The following ARRDC2 variants were observed in gnomAD, a reference collection of about 807,000 sequenced individuals.
ARRDC2 encodes arrestin domain-containing protein 2.
A neutral mutation model predicts 38.9 loss-of-function variants in ARRDC2; 39 were observed. The observed-to-expected ratio is 1.00, with a 90% confidence interval of 0.78 to 1.31. The LOEUF (loss-of-function observed/expected upper bound fraction) is 1.31. Among genes scored for constraint, ARRDC2 ranks in the 50% most tolerant of loss-of-function variants. ARRDC2 has a pLI of 0.00. For synonymous variants in ARRDC2, 300 were observed against 261.9 expected (o/e 1.15, Z -1.41); for missense variants, 553 against 588.4 (o/e 0.94, Z 0.62).
upstream of ARRDC2, among the ~76,000 whole-genome samples, chr19:18,003,732 C>G (rs925051065): frequency 1.3e-5 from 2 of 151,948 alleles, no homozygotes; most frequent in South Asian, 4.2e-4. Context: ...CTCTGCCTCC[C>G]GGGTTCACGC....
At chr19:18,005,002 C>A (rs895648474), upstream of ARRDC2, among the ~76,000 whole-genome samples, 2 of 149,986 alleles carry the variant, frequency 1.3e-5, no homozygotes, top group East Asian at 2.0e-4. Context: ...AAAAGAAAAG[C>A]AAATTTAAAA....
At chr19:18,009,303 G>A in intron 3 of ARRDC2, 185 bp downstream of exon 3, 1 of 728,524 alleles carries the variant, frequency 1.4e-6, no homozygotes, top group Non-Finnish European at 2.2e-6. Flanking sequence ...CTCTGGGCAA[G>A]TGTCTTGAAG....
In ARRDC2 at chr19:18,013,207, G is replaced by T. The variant is rs1568469305; in HGVS notation, c.*241G>T. On this transcript the variant is annotated 3_prime_UTR_variant, in exon 8 of 8. Coordinates refer to ENST00000222250, the MANE Select transcript of ARRDC2 (RefSeq NM_015683.2). Reference sequence around the variant, plus strand: ...TGAATGCCCAGTGCAGTATCCGAGAGACTGTTTAATAACCTGTCTTCCCAG... The same window carrying T: ...TGAATGCCCAGTGCAGTATCCGAGATACTGTTTAATAACCTGTCTTCCCAG... The T allele has an allele frequency of 1.9e-6, 1 of 520,262 alleles. No homozygotes were observed. The allele number at this position is 520,262 out of a possible 1,614,324, so 32.2% of individuals were successfully genotyped here.
chr19:18,002,041 A>C (rs1052931185), intron 1 of ARRDC2, among the ~76,000 whole-genome samples: 1 of 152,134 alleles, frequency 6.6e-6, no homozygotes. Context: ...CTTTCAAAGC[A>C]GGGGGACCCT....
At chr19:18,006,511 C>T (rs2033282074), upstream of ARRDC2, among the ~76,000 whole-genome samples, 1 of 152,118 alleles carries the variant, frequency 6.6e-6, no homozygotes, top group Non-Finnish European at 1.5e-5. Context: ...CGCAGGCACT[C>T]GGCAGGCTGA....
chr19:18,009,473 T>G (rs2033358191), intron 3 of ARRDC2, 119 bp from the exon 4 acceptor site: 2 of 918,804 alleles, frequency 2.2e-6, no homozygotes, highest in Non-Finnish European at 1.7e-6. Flanking sequence ...CCTGGATTGT[T>G]AAAAAGAAAC....
chr19:18,008,130 CGCCCTG>C, upstream of ARRDC2: 6 of 1,088,046 alleles, frequency 5.5e-6, no homozygotes, highest in South Asian at 1.7e-5. Context: ...CACCCCCCCC[CGCCCTG>C]CCGTATAAAA....
rs2033446176 is a variant in ARRDC2 at position 18,013,071 on chromosome 19, G to A, written c.*105G>A. The stretch of plus-strand genomic sequence containing the variant: ...GGCTGACCTCCCCGACTGCATCAAA[G>A]TTGGGGAACCAAGTCTCAGAGTGAG... On this transcript the variant is annotated 3_prime_UTR_variant, in exon 8 of 8. Transcript: ENST00000222250. 21 of 1,255,426 alleles carry A rather than the reference G, an allele frequency of 1.7e-5. 1 individual carries two copies. Among genetic ancestry groups the A allele is most frequent in the Middle Eastern group, 2.5e-4 (1 of 3,930 alleles). 77.8% of individuals were successfully genotyped at this position (1,255,426 alleles called of 1,614,324 possible). A position where few individuals can be genotyped will look rare whatever the true frequency, so the allele number is the denominator to read the frequency against.
intron 7 of ARRDC2, among the ~76,000 whole-genome samples, chr19:18,011,233 G>A (rs1454595889): frequency 6.6e-6 from 1 of 152,096 alleles, no homozygotes; most frequent in Non-Finnish European, 1.5e-5. Flanking sequence ...CCTGACCTCA[G>A]GTGATGGCCT....
chr19:18,001,910 C>A (rs1033542102), intron 1 of ARRDC2, among the ~76,000 whole-genome samples: 1 of 152,160 alleles, frequency 6.6e-6, no homozygotes, highest in Non-Finnish European at 1.5e-5. Flanking sequence ...TGCACTCCAG[C>A]CTGGACACCC....
At chr19:18,008,138 C>CCCCCGG, upstream of ARRDC2, 1 of 1,339,274 alleles carries the variant, frequency 7.5e-7, no homozygotes, top group Non-Finnish European at 9.6e-7. Context: ...CCCGCCCTGC[C>CCCCCGG]GTATAAAAGC....
At chr19:18,011,761 A>G (rs2033415897) in intron 7 of ARRDC2, among the ~76,000 whole-genome samples, 1 of 151,642 alleles carries the variant, frequency 6.6e-6, no homozygotes, top group Non-Finnish European at 1.5e-5. Context: ...TGGGAGGCTG[A>G]GGCAGGAGGA....
intron 1 of ARRDC2, among the ~76,000 whole-genome samples, chr19:18,002,944 A>G (rs1311232439): frequency 6.6e-6 from 1 of 151,990 alleles, no homozygotes; most frequent in Non-Finnish European, 1.5e-5. Flanking sequence ...CTCCACTAAA[A>G]ATACAAAAAT....
chr19:18,010,740 G>A lies in ARRDC2; in HGVS notation c.1170+11G>A. 2.5e-6 allele frequency: 4 copies of A among 1,613,042 alleles called. No homozygotes were observed. Among genetic ancestry groups the A allele is most frequent in the Non-Finnish European group, 1.7e-6 (2 of 1,179,556 alleles). ...CCCCTGTACTCTGAGGTGAGCTCAG[G>A]GGTCTGAGAACCACCCATGCCTCTC... On this transcript the variant is annotated intron_variant, in intron 7 of 7. Transcript: ENST00000222250.
At chr19:18,002,738 G>A (rs1477598159) in intron 1 of ARRDC2, among the ~76,000 whole-genome samples, 1 of 152,276 alleles carries the variant, frequency 6.6e-6, no homozygotes, top group East Asian at 1.9e-4. Flanking sequence ...CTTCCCCGGC[G>A]ACTCGGAGAA....
chr19:18,013,395 AGGCTTT>A lies in ARRDC2; in HGVS notation c.*432_*437del, dbSNP rs1301197703. The A allele has an allele frequency of 1.2e-5, 2 of 164,282 alleles. No individual in the cohort carries two copies. Among genetic ancestry groups the A allele is most frequent in the African/African-American group, 4.8e-5 (2 of 41,752 alleles). 10.2% of individuals were successfully genotyped at this position (164,282 alleles called of 1,614,324 possible). ...CCTTGCGGAAAGGGCATTTTAGCTG[AGGCTTT>A]GGAGTACGAATAGGAGCTCAGCAGG... On this transcript the variant is annotated 3_prime_UTR_variant, in exon 8 of 8. Coordinates refer to ENST00000222250, the MANE Select transcript of ARRDC2 (RefSeq NM_015683.2).
At chr19:18,011,948 A>T (rs1172990470) in intron 7 of ARRDC2, among the ~76,000 whole-genome samples, 172 of 55,056 alleles carry the variant, frequency 3.1e-3, no homozygotes, top group African/African-American at 0.011. Context: ...ATATATATAT[A>T]TATATTTTTT....
chr19:18,008,209 C>T lies in ARRDC2; in HGVS notation c.-102C>T, dbSNP rs1599396676. On this transcript the variant is annotated 5_prime_UTR_variant, in exon 1 of 8. It adds an upstream start codon to the 5' untranslated region. Coordinates refer to ENST00000222250, the MANE Select transcript of ARRDC2 (RefSeq NM_015683.2). ...GTTGGTGAGCGCGCCTGCGCGTTGA[C>T]GGCGATTTTGCGTTCTGAGGCTGCA... 2.1e-6 allele frequency: 3 copies of T among 1,419,650 alleles called. No homozygotes were observed. The highest frequency in any genetic ancestry group is 3.4e-5 in the East Asian group (1 of 29,002). The allele number at this position is 1,419,650 out of a possible 1,614,324, so 87.9% of individuals were successfully genotyped here.
chr19:18,001,153 C>G, exon 1 of ARRDC2: 1 of 772,622 alleles, frequency 1.3e-6, no homozygotes, highest in Non-Finnish European at 1.7e-6. Flanking sequence ...GCCGACGACG[C>G]GCCCGCCCTG....
Sources: gnomAD v4.1 joint callset for allele counts (sites outside exome capture counted in the v4.1 genomes callset) on GRCh38, gnomAD v4.1.1 for gene constraint, MANE v1.5 for transcripts, NCBI Gene and HGNC (gene_info 2026-07-23, HGNC 2026-07-21) for gene names.